Variants in SCYL2 observed in about 807,000 individuals in gnomAD.
SCYL2 encodes SCY1-like protein 2.
Under a neutral mutation model 100.4 loss-of-function variants are expected in SCYL2, and 36 were observed. That is an observed-to-expected ratio of 0.36 (90% CI 0.27 to 0.47). The LOEUF (loss-of-function observed/expected upper bound fraction) is 0.47. SCYL2 is among the 20% of genes least tolerant of loss of function. The pLI is 1.00. For synonymous variants in SCYL2, 330 were observed against 359.2 expected (o/e 0.92, Z 0.92); for missense variants, 902 against 1,083.9 (o/e 0.83, Z 2.36).
At chr12:100,281,833 CAAA>C (rs550669839) in intron 1 of SCYL2, among the ~76,000 whole-genome samples, 11 of 59,354 alleles carry the variant, frequency 1.9e-4, no homozygotes, top group Admixed American at 3.9e-4. Flanking sequence ...GACTCCGTCT[CAAA>C]AAAAAAAAAA....
At chr12:100,323,419 G>A (rs983550674) in intron 10 of SCYL2, 106 bp from the exon 11 acceptor site, 2 of 667,446 alleles carry the variant, frequency 3.0e-6, no homozygotes, top group Non-Finnish European at 5.2e-6. Context: ...ATGAAAATTT[G>A]TTTCAAACTA....
intron 3 of SCYL2, 124 bp from the exon 4 acceptor site, chr12:100,297,907 T>A (rs748073037): frequency 1.3e-6 from 1 of 797,832 alleles, no homozygotes. Flanking sequence ...ATGCTGAAAT[T>A]AACAAATGTA....
At chr12:100,293,436 C>G (rs938651281) in intron 3 of SCYL2, among the ~76,000 whole-genome samples, 6 of 152,138 alleles carry the variant, frequency 3.9e-5, no homozygotes, top group African/African-American at 1.4e-4. Context: ...GGTGCTATTT[C>G]CTCTGGAGTG....
chr12:100,335,946 G>T (rs756483101), intron 16 of SCYL2, 40 bp downstream of exon 16: 5 of 1,450,858 alleles, frequency 3.4e-6, no homozygotes, highest in Non-Finnish European at 4.8e-6. Context: ...CTTATTTTAT[G>T]CTGTAGGACT....
intron 3 of SCYL2, among the ~76,000 whole-genome samples, chr12:100,294,563 G>A (rs1231730667): frequency 7.0e-5 from 10 of 142,204 alleles, no homozygotes; most frequent in East Asian, 2.1e-4. Context: ...GCGGCTGGCC[G>A]GGCGGGGGCT....
At position 100,268,635 on chromosome 12, in the gene SCYL2, A is replaced by G. The variant is rs118090966; in HGVS notation, c.-29+843A>G. Among the ~76,000 whole-genome samples, 1,211 of 152,288 alleles carry G rather than the reference A, an allele frequency of 8.0e-3. 14 individuals are homozygous for G. Among genetic ancestry groups the G allele is most frequent in the South Asian group, 0.055 (265 of 4,826 alleles). ...CCTATTTTGTCTCTAAGATTCATAAATACCCAGTAAAATAAATACAGGCAC... is the reference window on the plus strand; with the variant it reads ...CCTATTTTGTCTCTAAGATTCATAAGTACCCAGTAAAATAAATACAGGCAC... On this transcript the variant is annotated intron_variant, in intron 1 of 17. Transcript: ENST00000360820.
chr12:100,334,413 T>A (rs911204907), intron 14 of SCYL2, 147 bp downstream of exon 14: 2 of 639,578 alleles, frequency 3.1e-6, no homozygotes, highest in African/African-American at 3.7e-5. Context: ...ATCATGTTAA[T>A]AAGTTGAACT....
At chr12:100,275,360 C>G (rs913944989) in intron 1 of SCYL2, among the ~76,000 whole-genome samples, 4 of 152,048 alleles carry the variant, frequency 2.6e-5, no homozygotes, top group East Asian at 3.9e-4. Context: ...TGCTACTGCT[C>G]CTGGCTAATT....
In SCYL2 at chr12:100,339,139, A is replaced by G. The variant is rs1428993949; in HGVS notation, c.2757A>G (p.Ser919=). 6 of 1,613,500 alleles carry G rather than the reference A, an allele frequency of 3.7e-6. No individual in the cohort carries two copies. The highest frequency in any genetic ancestry group is 5.1e-6 in the Non-Finnish European group (6 of 1,179,736). ...QPPTTMTNSS[S]ASNDLKDLFG The stretch of plus-strand genomic sequence containing the variant: ...CAACTACTATGACCAATAGCAGTTC[A>G]GCTAGCAATGATTTAAAAGATCTTT... Residue 919 remains serine (S), a synonymous_variant, in exon 18 of 18, where the codon TCA becomes TCG. Coordinates refer to ENST00000360820, the MANE Select transcript of SCYL2 (RefSeq NM_017988.6).
At position 100,281,841 on chromosome 12, in the gene SCYL2, A is replaced by AAAG. The variant is rs781584969; in HGVS notation, c.-28-1100_-28-1099insGAA. 2.1e-3 allele frequency among the ~76,000 whole-genome samples: 326 copies of AAAG among 152,166 alleles called. 5 individuals carry two copies. In the East Asian group the frequency reaches 0.036, roughly 17 times the overall value. ...AGAGCTAGACTCCGTCTCAAAAAAAAAAAAAAAAAGAAAGTACAAATTTAT... is the reference window on the plus strand; with the variant it reads ...AGAGCTAGACTCCGTCTCAAAAAAAAAAGAAAAAAAAAGAAAGTACAAATTTAT... On this transcript the variant is annotated intron_variant, in intron 1 of 17. Transcript: ENST00000360820.
At chr12:100,327,204 G>A in intron 12 of SCYL2, 1 of 404,616 alleles carries the variant, frequency 2.5e-6, no homozygotes, top group Non-Finnish European at 5.0e-6. Context: ...GCTCAGAGAG[G>A]TAAAATAAGT....
At chr12:100,315,933 G>A (rs1164731969) in intron 9 of SCYL2, among the ~76,000 whole-genome samples, 199 bp downstream of exon 9, 1 of 152,176 alleles carries the variant, frequency 6.6e-6, no homozygotes, top group Non-Finnish European at 1.5e-5. Flanking sequence ...GCAGTTAAAT[G>A]TCTGTAGCTC....
intron 3 of SCYL2, among the ~76,000 whole-genome samples, chr12:100,294,099 GGGCGGCCGGGC>G (rs2096313991): frequency 4.0e-5 from 6 of 149,726 alleles, no homozygotes; most frequent in Non-Finnish European, 1.5e-5. Context: ...TTCCCAGTAG[GGGCGGCCGGGC>G]AGAGGCGCCC....
rs751751114 is a variant in SCYL2, at chr12:100,326,748, A to G, written c.1636A>G (p.Ile546Val). Residue 546 changes from isoleucine to valine, a missense_variant, in exon 12 of 18, where the codon ATT becomes GTT. Transcript: ENST00000360820. ...PSKEPAVLMGILGIYKCTFTH... is the reference protein window; with the variant it reads ...PSKEPAVLMGVLGIYKCTFTH... ...CAAGGAACCTGCGGTCCTCATGGGA[A>G]TTTTAGGTAGCTGAAAATTTAATGT... 1 of 1,604,152 alleles carries G rather than the reference A, an allele frequency of 6.2e-7. No homozygotes were observed.
intron 1 of SCYL2, among the ~76,000 whole-genome samples, chr12:100,281,019 G>GTTTTGTTTGTTTTTT (rs2096297553): frequency 2.0e-5 from 1 of 50,466 alleles, no homozygotes; most frequent in African/African-American, 6.9e-5. Context: ...TACCATCAGT[G>GTTTTGTTTGTTTTTT]TTTTTTTTTT....
chr12:100,332,712 A>AT (rs1407367441), intron 13 of SCYL2, among the ~76,000 whole-genome samples: 43 of 144,204 alleles, frequency 3.0e-4, no homozygotes, highest in African/African-American at 9.2e-4. Context: ...TTTTGTTTTT[A>AT]TTTTTGTTTT....
At chr12:100,307,109 A>G (rs905824144) in intron 4 of SCYL2, among the ~76,000 whole-genome samples, 1 of 152,228 alleles carries the variant, frequency 6.6e-6, no homozygotes, top group Non-Finnish European at 1.5e-5. Context: ...CCATCAAGCT[A>G]CCACTGATTT....
intron 10 of SCYL2, among the ~76,000 whole-genome samples, chr12:100,322,738 T>C (rs1168822686): frequency 2.6e-5 from 4 of 151,826 alleles, no homozygotes; most frequent in Non-Finnish European, 5.9e-5. Context: ...CATGTGCCTG[T>C]AATCCCAACT....
Position 100,267,695 on chromosome 12 carries a change from G to A in SCYL2, c.-126G>A, listed in dbSNP as rs1202355004. ...GGGAGACCCGGGATCGAAGTCAGCT[G>A]CCGGAGGGAGAGCCCCCCATGCCGG... On this transcript the variant is annotated 5_prime_UTR_variant, in exon 1 of 18. Coordinates refer to ENST00000360820, the MANE Select transcript of SCYL2 (RefSeq NM_017988.6). 1.3e-5 allele frequency: 2 copies of A among 152,526 alleles called. No individual in the cohort carries two copies. Among genetic ancestry groups the A allele is most frequent in the African/African-American group, 4.8e-5 (2 of 41,456 alleles). The allele number at this position is 152,526 out of a possible 1,614,324, so 9.4% of individuals were successfully genotyped here. A position where few individuals can be genotyped will look rare whatever the true frequency, so the allele number is the denominator to read the frequency against.
Sources: gnomAD v4.1 joint callset for allele counts (sites outside exome capture counted in the v4.1 genomes callset) on GRCh38, gnomAD v4.1.1 for gene constraint, MANE v1.5 for transcripts, NCBI Gene and HGNC (gene_info 2026-07-23, HGNC 2026-07-21) for gene names.